The following CASQ2 variants were observed in gnomAD, a reference collection of about 807,000 sequenced individuals.
CASQ2 encodes calsequestrin-2.
In CASQ2, 49 loss-of-function variants were observed where a neutral mutation model predicts 46.5. The ratio of observed to expected loss-of-function variants is 1.05; its 90% CI spans 0.84 to 1.34. The LOEUF is 1.34. CASQ2 is among the 40% of genes most tolerant of loss of function. CASQ2 has a pLI of 0.00. For synonymous variants in CASQ2, 174 were observed against 168.5 expected (o/e 1.03, Z -0.25); for missense variants, 486 against 481.3 (o/e 1.01, Z -0.09).
intron 1 of CASQ2, among the ~76,000 whole-genome samples, chr1:115,750,342 G>C (rs191404427): frequency 6.6e-6 from 1 of 152,312 alleles, no homozygotes; most frequent in African/African-American, 2.4e-5. Flanking sequence ...CTCTCAGATA[G>C]TCCATCCTAG....
intron 7 of CASQ2, among the ~76,000 whole-genome samples, chr1:115,721,288 T>A (rs532887341): frequency 2.0e-5 from 3 of 152,146 alleles, no homozygotes; most frequent in African/African-American, 7.2e-5. Context: ...GAATGACAGA[T>A]CAGCACTGGG....
At chr1:115,754,601 A>C (rs1008154869) in intron 1 of CASQ2, among the ~76,000 whole-genome samples, 4 of 152,162 alleles carry the variant, frequency 2.6e-5, no homozygotes, top group African/African-American at 9.7e-5. Context: ...GCCTGGGGAC[A>C]CACAGAGCTT....
intron 1 of CASQ2, among the ~76,000 whole-genome samples, chr1:115,759,259 T>C (rs1051772800): frequency 1.3e-5 from 2 of 152,166 alleles, no homozygotes; most frequent in Admixed American, 6.5e-5. Flanking sequence ...AGCAGTAGGG[T>C]CTAGTCAGAG....
At chr1:115,749,966 T>C (rs6697857) in intron 1 of CASQ2, among the ~76,000 whole-genome samples, 15,962 of 152,308 alleles carry the variant, frequency 0.1, 961 homozygotes, top group South Asian at 0.24. Context: ...ACTCTGGCAC[T>C]TATTGTGTAA....
chr1:115,728,224 C>T (rs958031667), intron 5 of CASQ2, among the ~76,000 whole-genome samples: 3 of 152,166 alleles, frequency 2.0e-5, no homozygotes, highest in Non-Finnish European at 1.5e-5. Flanking sequence ...GAGATCCATT[C>T]TGAGGAAACA....
At chr1:115,725,129 G>A (rs960203908) in intron 7 of CASQ2, among the ~76,000 whole-genome samples, 24 of 152,208 alleles carry the variant, frequency 1.6e-4, no homozygotes, top group Middle Eastern at 3.4e-3. Context: ...CGCAGTGCCA[G>A]GATCACAGCT....
intron 8 of CASQ2, 141 bp from the exon 9 acceptor site, chr1:115,705,433 G>A: frequency 1.4e-6 from 1 of 702,138 alleles, no homozygotes; most frequent in South Asian, 1.5e-5. Context: ...TATAGAATGA[G>A]TCAGATGAGA....
intron 8 of CASQ2, among the ~76,000 whole-genome samples, chr1:115,713,954 T>C (rs994629121): frequency 8.6e-5 from 13 of 151,966 alleles, no homozygotes; most frequent in African/African-American, 3.1e-4. Context: ...ATGTTGGAGG[T>C]GGAGGAGATG....
intron 9 of CASQ2, among the ~76,000 whole-genome samples, chr1:115,703,345 T>C (rs1318425644): frequency 1.3e-5 from 2 of 152,180 alleles, no homozygotes; most frequent in Admixed American, 1.3e-4. Context: ...ATACCTTATC[T>C]TGTGCTACAT....
intron 8 of CASQ2, among the ~76,000 whole-genome samples, chr1:115,711,899 C>T (rs868609586): frequency 2.0e-5 from 3 of 152,016 alleles, no homozygotes; most frequent in African/African-American, 4.8e-5. Flanking sequence ...GTGATTCACC[C>T]GCCTGTAATC....
chr1:115,744,264 C>T (rs555377654), intron 2 of CASQ2, among the ~76,000 whole-genome samples: 183 of 152,252 alleles, frequency 1.2e-3, no homozygotes, highest in Middle Eastern at 3.4e-3. Flanking sequence ...CATGACATAT[C>T]GACACTAGAG....
chr1:115,722,809 A>G (rs1323153756), intron 7 of CASQ2, among the ~76,000 whole-genome samples: 1 of 152,164 alleles, frequency 6.6e-6, no homozygotes, highest in Non-Finnish European at 1.5e-5. Flanking sequence ...GCACTTTGGG[A>G]GGCCGAGGAG....
intron 1 of CASQ2, among the ~76,000 whole-genome samples, chr1:115,745,737 T>G (rs138102106): frequency 2.5e-4 from 36 of 142,108 alleles, no homozygotes; most frequent in Non-Finnish European, 3.6e-4. Context: ...TCATGAAATA[T>G]TAATACTACT....
At chr1:115,715,927 G>T (rs1654687076) in intron 8 of CASQ2, among the ~76,000 whole-genome samples, 1 of 152,146 alleles carries the variant, frequency 6.6e-6, no homozygotes, top group Non-Finnish European at 1.5e-5. Context: ...ATATATTGAT[G>T]AAAAAGGCGA....
At chr1:115,705,096 T>A in intron 9 of CASQ2, 96 bp downstream of exon 9, 1 of 855,588 alleles carries the variant, frequency 1.2e-6, no homozygotes, top group Non-Finnish European at 2.0e-6. Flanking sequence ...CTGGGTTTCT[T>A]CAAGTGCCCC....
At chr1:115,704,107 A>T (rs1312964873) in intron 9 of CASQ2, among the ~76,000 whole-genome samples, 1 of 152,158 alleles carries the variant, frequency 6.6e-6, no homozygotes, top group Non-Finnish European at 1.5e-5. Flanking sequence ...AGTGTCATGG[A>T]AGCCTCTGCC....
intron 5 of CASQ2, among the ~76,000 whole-genome samples, chr1:115,730,699 C>G (rs998112106): frequency 2.7e-5 from 4 of 150,730 alleles, no homozygotes; most frequent in Admixed American, 6.6e-5. Context: ...TATTTTGAGG[C>G]CTTCTCTCAT....
chr1:115,715,879 C>T (rs1039274241), intron 8 of CASQ2, among the ~76,000 whole-genome samples: 1 of 152,028 alleles, frequency 6.6e-6, no homozygotes, highest in Non-Finnish European at 1.5e-5. Flanking sequence ...ATTTATTGGG[C>T]GCCTACCACG....
chr1:115,703,766 G>T (rs915298547), intron 9 of CASQ2, among the ~76,000 whole-genome samples: 1 of 152,070 alleles, frequency 6.6e-6, no homozygotes, highest in African/African-American at 2.4e-5. Context: ...TTAAAAATTA[G>T]CTGGGCGTGG....
Sources: allele counts gnomAD v4.1 joint callset (sites outside exome capture counted in the v4.1 genomes callset), GRCh38; gene constraint gnomAD v4.1.1; transcripts MANE v1.5; gene names NCBI Gene and HGNC (gene_info 2026-07-23, HGNC 2026-07-21).